The following KIF13A variants were observed in gnomAD, a reference collection of about 807,000 sequenced individuals.
KIF13A encodes kinesin-like protein KIF13A.
KIF13A carries 79 observed loss-of-function variants against 212.2 expected under a neutral mutation model. The observed-to-expected ratio is 0.37, with a 90% CI of 0.31 to 0.45. The LOEUF (loss-of-function observed/expected upper bound fraction) is 0.45. Among genes scored for constraint, KIF13A ranks in the 20% least tolerant of loss-of-function variants. The probability of loss-of-function intolerance (pLI) is 1.00; values close to 1 mark genes in which losing one functional copy is unlikely to be tolerated. For missense variants in KIF13A, 1,901 were observed against 2,209.0 expected (o/e 0.86, Z 2.79); for synonymous variants, 789 against 808.6 (o/e 0.98, Z 0.41).
chr6:17,771,022 G>A lies in KIF13A; in HGVS notation c.4581+92C>T, dbSNP rs1759445299. On this transcript the variant is annotated intron_variant, in intron 38 of 38. Transcript: ENST00000259711. This position sits in a 1 kb window ranked among gnomAD's most constrained non-coding sequence, Gnocchi z 5.4. ...TCTTTAAGACAAAGACCCAATACAT[G>A]TCTTAATTTCTTCTAGCATTTGGAT... 1 of 821,138 alleles carries A rather than the reference G, an allele frequency of 1.2e-6. No homozygotes were observed. The highest frequency in any genetic ancestry group is 2.0e-6 in the Non-Finnish European group (1 of 501,766). 50.9% of individuals were successfully genotyped at this position (821,138 alleles called of 1,614,324 possible).
rs1458767159 is a variant in KIF13A, at chr6:17,834,766, T to C, written c.1156-695A>G. Among the ~76,000 whole-genome samples, 1 of 152,138 alleles carries C rather than the reference T, an allele frequency of 6.6e-6. No individual in the cohort carries two copies. Among genetic ancestry groups the C allele is most frequent in the Non-Finnish European group, 1.5e-5 (1 of 68,018 alleles). ...GAGCCTCTACAAAGTTAAAACTCTA[T>C]GAACAAGAAAGATGGCAGAGCTTGG... On this transcript the variant is annotated intron_variant, in intron 11 of 38. Coordinates refer to ENST00000259711, the MANE Select transcript of KIF13A (RefSeq NM_022113.6). The surrounding 1 kb of genome is among the most constrained non-coding windows in gnomAD (Gnocchi z 4.0).
Position 17,872,647 on chromosome 6 carries a change from T to A in KIF13A, c.220+730A>T, listed in dbSNP as rs550122428. Among the ~76,000 whole-genome samples the A allele has an allele frequency of 1.5e-4, 23 of 152,322 alleles. 1 individual carries two copies. In the South Asian group the frequency reaches 4.1e-3, roughly 27 times the overall value. On this transcript the variant is annotated intron_variant, in intron 4 of 38. Coordinates refer to ENST00000259711, the MANE Select transcript of KIF13A (RefSeq NM_022113.6). The surrounding 1 kb of genome is among the most constrained non-coding windows in gnomAD (Gnocchi z 4.7). The stretch of plus-strand genomic sequence containing the variant: ...TCATTTGCCAGTTAGAAAAATAATT[T>A]TTTTTTATTTTTTTGAGACAGAGTC...
chr6:17,792,608 C>T (rs746826483), intron 25 of KIF13A, among the ~76,000 whole-genome samples: 4 of 152,152 alleles, frequency 2.6e-5, no homozygotes, highest in Admixed American at 6.5e-5. Flanking sequence ...TCCTGCTCCA[C>T]GGGCTGCACA....
intron 2 of KIF13A, among the ~76,000 whole-genome samples, chr6:17,976,403 G>A (rs1461704956): frequency 6.6e-6 from 1 of 152,236 alleles, no homozygotes; most frequent in African/African-American, 2.4e-5. Context: ...GGGGGACCCA[G>A]TACACCCTCC....
intron 3 of KIF13A, among the ~76,000 whole-genome samples, chr6:17,882,447 AATTTT>A (rs1771156719): frequency 6.6e-6 from 1 of 152,224 alleles, no homozygotes; most frequent in African/African-American, 2.4e-5. Context: ...AAGATAATTT[AATTTT>A]ATGTAAAGAA....
chr6:17,887,824 G>T (rs1390380113), intron 3 of KIF13A, among the ~76,000 whole-genome samples: 1 of 151,202 alleles, frequency 6.6e-6, no homozygotes, highest in African/African-American at 2.4e-5. Context: ...CTCCCGAGTA[G>T]CTGGGATTAC....
chr6:17,863,317 A>G (rs1769016725), intron 4 of KIF13A, among the ~76,000 whole-genome samples: 1 of 151,858 alleles, frequency 6.6e-6, no homozygotes, highest in African/African-American at 2.4e-5. Context: ...GAACAGTATC[A>G]TTACTGGGGC....
At chr6:17,920,502 A>G (rs752371952) in intron 2 of KIF13A, among the ~76,000 whole-genome samples, 7 of 152,220 alleles carry the variant, frequency 4.6e-5, no homozygotes, top group Admixed American at 6.5e-5. Context: ...TTCCAAGGAC[A>G]ATGAATATCC....
intron 22 of KIF13A, among the ~76,000 whole-genome samples, chr6:17,798,244 A>C (rs918189532): frequency 1.3e-5 from 2 of 152,146 alleles, no homozygotes; most frequent in Non-Finnish European, 2.9e-5. Context: ...AGATCCAAAA[A>C]ACTCCAAGAT....
intron 2 of KIF13A, among the ~76,000 whole-genome samples, chr6:17,902,648 C>G (rs1185343766): frequency 6.6e-6 from 1 of 152,164 alleles, no homozygotes; most frequent in Admixed American, 6.5e-5. Flanking sequence ...CAAGGCTCAG[C>G]TCTCTCAATT....
intron 2 of KIF13A, among the ~76,000 whole-genome samples, chr6:17,956,700 G>A (rs1778383603): frequency 6.6e-6 from 1 of 151,968 alleles, no homozygotes; most frequent in African/African-American, 2.4e-5. Flanking sequence ...CTCTCTCGCC[G>A]ACCTTCTCCT....
At chr6:17,817,694 C>G (rs1196192874) in intron 16 of KIF13A, among the ~76,000 whole-genome samples, 1 of 152,176 alleles carries the variant, frequency 6.6e-6, no homozygotes. Context: ...TTATGACTTT[C>G]ACCACAAATC....
intron 3 of KIF13A, among the ~76,000 whole-genome samples, chr6:17,896,579 T>A (rs1045606440): frequency 3.3e-5 from 5 of 152,190 alleles, no homozygotes; most frequent in African/African-American, 1.2e-4. Flanking sequence ...GGCATGCATA[T>A]ACACATTGTT....
rs1390783698 is a variant in KIF13A at position 17,915,018 on chromosome 6, T to C, written c.147-16838A>G. Among the ~76,000 whole-genome samples the C allele has an allele frequency of 6.6e-6, 1 of 152,204 alleles. No individual in the cohort carries two copies. Among genetic ancestry groups the C allele is most frequent in the African/African-American group, 2.4e-5 (1 of 41,452 alleles). On this transcript the variant is annotated intron_variant, in intron 2 of 38. Coordinates refer to ENST00000259711, the MANE Select transcript of KIF13A (RefSeq NM_022113.6). This position sits in a 1 kb window ranked among gnomAD's most constrained non-coding sequence, Gnocchi z 4.4. ...TGATGGACTCATACATTTAACTACC[T>C]GGTTTTGGTTTTATTTCCAAGATTG...
At position 17,837,430 on chromosome 6, in the gene KIF13A, G is replaced by C; in HGVS notation, c.942+42C>G. ...CCTTTACTCTGTCACATCTGGAATA[G>C]CCAATTTTTAGTTGGAAAAGAACAC... On this transcript the variant is annotated intron_variant, in intron 10 of 38. Coordinates refer to ENST00000259711, the MANE Select transcript of KIF13A (RefSeq NM_022113.6). This position sits in a 1 kb window ranked among gnomAD's most constrained non-coding sequence, Gnocchi z 5.4. The C allele has an allele frequency of 1.4e-6, 2 of 1,387,344 alleles. No individual in the cohort carries two copies. Among genetic ancestry groups the C allele is most frequent in the Non-Finnish European group, 2.0e-6 (2 of 992,044 alleles). The allele number at this position is 1,387,344 out of a possible 1,614,324, so 85.9% of individuals were successfully genotyped here.
At chr6:17,917,090 T>G (rs1774581473) in intron 2 of KIF13A, among the ~76,000 whole-genome samples, 1 of 152,012 alleles carries the variant, frequency 6.6e-6, no homozygotes. Flanking sequence ...CCACTGGGCT[T>G]GGTGTTGCTG....
rs1324747052 is a variant in KIF13A, at chr6:17,947,306, A to G, written c.146+39748T>C. ...TTTCTTAACTGTTGAAACCAAATAT[A>G]TAAGTTATATACTTCTTTATTATAC... On this transcript the variant is annotated intron_variant, in intron 2 of 38. Coordinates refer to ENST00000259711, the MANE Select transcript of KIF13A (RefSeq NM_022113.6). This position sits in a 1 kb window ranked among gnomAD's most constrained non-coding sequence, Gnocchi z 4.6. Among the ~76,000 whole-genome samples, 1 of 152,192 alleles carries G rather than the reference A, an allele frequency of 6.6e-6. No homozygotes were observed. The highest frequency in any genetic ancestry group is 2.4e-5 in the African/African-American group (1 of 41,450).
Position 17,987,010 on chromosome 6 carries a change from G to A in KIF13A, c.146+44C>T. ...TCCTGGCTCAAACTTGCGGGACCCC[G>A]CGAGGCTGGATCCTCCCAGCCGCCC... On this transcript the variant is annotated intron_variant, in intron 2 of 38. Coordinates refer to ENST00000259711, the MANE Select transcript of KIF13A (RefSeq NM_022113.6). This position sits in a 1 kb window ranked among gnomAD's most constrained non-coding sequence, Gnocchi z 7.7. 1 of 1,466,036 alleles carries A rather than the reference G, an allele frequency of 6.8e-7. No homozygotes were observed. Among genetic ancestry groups the A allele is most frequent in the Non-Finnish European group, 9.6e-7 (1 of 1,046,436 alleles). 90.8% of individuals were successfully genotyped at this position (1,466,036 alleles called of 1,614,324 possible).
At chr6:17,870,866 T>C (rs1017738158) in intron 4 of KIF13A, among the ~76,000 whole-genome samples, 9 of 152,248 alleles carry the variant, frequency 5.9e-5, no homozygotes, top group African/African-American at 2.2e-4. Context: ...AAATATCATT[T>C]ACGGGAACCT....
Sources: allele counts gnomAD v4.1 joint callset (sites outside exome capture counted in the v4.1 genomes callset), GRCh38; gene constraint gnomAD v4.1.1; non-coding constraint Gnocchi (gnomAD v3.1); transcripts MANE v1.5; gene names NCBI Gene and HGNC (gene_info 2026-07-23, HGNC 2026-07-21).